The following LUZP2 variants were observed in gnomAD, a reference collection of about 807,000 sequenced individuals.
The protein encoded by LUZP2 is leucine zipper protein 2.
In LUZP2, 52 loss-of-function variants were observed where a neutral mutation model predicts 51.6. The ratio of observed to expected loss-of-function variants is 1.01; its 90% CI spans 0.81 to 1.27. The LOEUF (loss-of-function observed/expected upper bound fraction) is 1.27. LUZP2 is among the 50% of genes most tolerant of loss of function. The pLI, the probability that LUZP2 is intolerant of heterozygous loss-of-function variation, is 0.00. For missense variants in LUZP2, 436 were observed against 395.4 expected (o/e 1.10, Z -0.87); for synonymous variants, 154 against 137.3 (o/e 1.12, Z -0.85).
intron 1 of LUZP2, among the ~76,000 whole-genome samples, chr11:24,624,142 A>G (rs1036444104): frequency 6.6e-6 from 1 of 152,290 alleles, no homozygotes; most frequent in Non-Finnish European, 1.5e-5. Flanking sequence ...AAATAAGAAG[A>G]ATTTTCCAGG....
chr11:24,692,419 C>T (rs964312335), intron 1 of LUZP2, among the ~76,000 whole-genome samples: 37 of 152,132 alleles, frequency 2.4e-4, no homozygotes, highest in African/African-American at 7.0e-4. Context: ...TAAGAATATA[C>T]GGTCTTTTTT....
At chr11:24,675,728 T>G (rs1196562661) in intron 1 of LUZP2, among the ~76,000 whole-genome samples, 2 of 151,882 alleles carry the variant, frequency 1.3e-5, no homozygotes, top group African/African-American at 4.8e-5. Flanking sequence ...TGGTCCTTAT[T>G]ATTACTATTA....
At chr11:24,959,468 C>G (rs1855326057) in intron 7 of LUZP2, among the ~76,000 whole-genome samples, 1 of 152,128 alleles carries the variant, frequency 6.6e-6, no homozygotes, top group Non-Finnish European at 1.5e-5. Flanking sequence ...AGAGGTCCTT[C>G]ACGTCCCTTG....
At position 24,896,298 on chromosome 11, in the gene LUZP2, C is replaced by T. The variant is rs189043766; in HGVS notation, c.397-9693C>T. Among the ~76,000 whole-genome samples, 114 of 152,108 alleles carry T rather than the reference C, an allele frequency of 7.5e-4. 1 individual carries two copies. Among genetic ancestry groups the T allele is most frequent in the Non-Finnish European group, 9.6e-4 (65 of 67,972 alleles). On this transcript the variant is annotated intron_variant, in intron 5 of 11. Coordinates refer to ENST00000336930, the MANE Select transcript of LUZP2 (RefSeq NM_001009909.4). ...CAGGGAGGTGTGGAGGGAGAGGCGCCGCCAGAACCGGGGCTGTGCAGGGCA... is the reference window on the plus strand; with the variant it reads ...CAGGGAGGTGTGGAGGGAGAGGCGCTGCCAGAACCGGGGCTGTGCAGGGCA...
chr11:24,536,639 C>G (rs1308030713), intron 1 of LUZP2, among the ~76,000 whole-genome samples: 1 of 151,844 alleles, frequency 6.6e-6, no homozygotes, highest in Admixed American at 6.6e-5. Flanking sequence ...AACATTGTGG[C>G]TGGTTTGATC....
rs755602656 is a variant in LUZP2 at position 24,763,231 on chromosome 11, T to C, written c.334-15T>C. The C allele has an allele frequency of 1.6e-6, 2 of 1,231,096 alleles. No individual in the cohort carries two copies. The highest frequency in any genetic ancestry group is 5.0e-5 in the Admixed American group (2 of 40,112). 76.3% of individuals were successfully genotyped at this position (1,231,096 alleles called of 1,614,324 possible). On this transcript the variant is annotated splice_polypyrimidine_tract_variant and intron_variant, in intron 4 of 11. Coordinates refer to ENST00000336930, the MANE Select transcript of LUZP2 (RefSeq NM_001009909.4). Reference sequence around the variant, plus strand: ...AGTTTGGAATGTGTCTACATAATAGTCTATTCATTTTCAGATTAATTTTTT... The same window carrying C: ...AGTTTGGAATGTGTCTACATAATAGCCTATTCATTTTCAGATTAATTTTTT...
chr11:25,061,814 A>G (rs1858846607), intron 10 of LUZP2, among the ~76,000 whole-genome samples: 1 of 152,164 alleles, frequency 6.6e-6, no homozygotes, highest in Non-Finnish European at 1.5e-5. Flanking sequence ...GTAAAATTAT[A>G]TTCTTTAATT....
intron 5 of LUZP2, among the ~76,000 whole-genome samples, chr11:24,875,978 A>C (rs1335807089): frequency 1.3e-5 from 2 of 151,464 alleles, no homozygotes; most frequent in African/African-American, 4.9e-5. Flanking sequence ...AATTTGTTTG[A>C]GTTCATTGTA....
intron 1 of LUZP2, among the ~76,000 whole-genome samples, chr11:24,558,320 G>A (rs554542329): frequency 6.6e-6 from 1 of 152,114 alleles, no homozygotes; most frequent in South Asian, 2.1e-4. Context: ...GCAGTCTACA[G>A]GTGGGATTTT....
intron 4 of LUZP2, among the ~76,000 whole-genome samples, chr11:24,756,206 A>C (rs1201724812): frequency 6.6e-6 from 1 of 152,118 alleles, no homozygotes; most frequent in Non-Finnish European, 1.5e-5. Flanking sequence ...GACCGAACCA[A>C]TGTGTACCTC....
At chr11:24,536,295 A>C (rs570625257) in intron 1 of LUZP2, among the ~76,000 whole-genome samples, 2 of 151,932 alleles carry the variant, frequency 1.3e-5, no homozygotes, top group South Asian at 4.1e-4. Flanking sequence ...CAGCCTTTTG[A>C]ATCTTTGAAA....
intron 1 of LUZP2, among the ~76,000 whole-genome samples, chr11:24,645,828 A>T (rs1045812288): frequency 2.9e-5 from 4 of 139,654 alleles, no homozygotes; most frequent in Non-Finnish European, 4.7e-5. Flanking sequence ...CTTAACTTGG[A>T]CATATATATT....
intron 9 of LUZP2, among the ~76,000 whole-genome samples, chr11:25,000,383 T>G (rs1230278010): frequency 6.6e-6 from 1 of 152,098 alleles, no homozygotes; most frequent in Non-Finnish European, 1.5e-5. Context: ...GAAGGGTCCC[T>G]GCAGTTGTAG....
intron 5 of LUZP2, among the ~76,000 whole-genome samples, chr11:24,860,353 T>C (rs1244895448): frequency 1.3e-5 from 2 of 152,110 alleles, no homozygotes; most frequent in Non-Finnish European, 2.9e-5. Context: ...CCAGCAGACT[T>C]AGCCTATTCT....
intron 5 of LUZP2, among the ~76,000 whole-genome samples, chr11:24,806,986 C>A (rs1300121834): frequency 3.0e-5 from 3 of 101,018 alleles, no homozygotes; most frequent in African/African-American, 3.8e-5. Context: ...CATCAGTGGG[C>A]AAACCAATTT....
At chr11:24,946,521 G>A (rs1019727560) in intron 7 of LUZP2, among the ~76,000 whole-genome samples, 12 of 151,480 alleles carry the variant, frequency 7.9e-5, no homozygotes, top group African/African-American at 2.9e-4. Context: ...CTTCCTCTAA[G>A]GCTTATAATA....
chr11:24,955,232 CTA>C (rs1444237735), intron 7 of LUZP2, among the ~76,000 whole-genome samples: 1 of 151,854 alleles, frequency 6.6e-6, no homozygotes, highest in Non-Finnish European at 1.5e-5. Flanking sequence ...ACTTTTTTGT[CTA>C]TAAGTTTCAT....
chr11:24,602,094 A>ATATATGTGTATATGTGTATATGTG (rs1330545329), intron 1 of LUZP2, among the ~76,000 whole-genome samples: 1 of 127,578 alleles, frequency 7.8e-6, no homozygotes, highest in Non-Finnish European at 1.6e-5. Flanking sequence ...GTATATATGT[A>ATATATGTGTATATGTGTATATGTG]TATATGTGTA....
chr11:24,531,358 T>G lies in LUZP2; in HGVS notation c.62+34053T>G, dbSNP rs189910938. Among the ~76,000 whole-genome samples the G allele has an allele frequency of 3.3e-5, 5 of 151,042 alleles. No homozygotes were observed. In the East Asian group the frequency reaches 9.7e-4, roughly 29 times the overall value. On this transcript the variant is annotated intron_variant, in intron 1 of 11. Transcript: ENST00000336930. ...TTGAGTACAGTGTGATATTTCAATA[T>G]ATGAATGTAATGTATAAATATCAAA...
Sources: allele counts gnomAD v4.1 joint callset (sites outside exome capture counted in the v4.1 genomes callset), GRCh38; gene constraint gnomAD v4.1.1; transcripts MANE v1.5; gene names NCBI Gene and HGNC (gene_info 2026-07-23, HGNC 2026-07-21).